The following CCDC7 variants were observed in gnomAD, a reference collection of about 807,000 sequenced individuals.
The protein encoded by CCDC7 is coiled-coil domain-containing protein 7.
In CCDC7, 183 loss-of-function variants were observed where a neutral mutation model predicts 196.9. That is an observed-to-expected ratio of 0.93 (90% CI 0.82 to 1.05). The LOEUF (loss-of-function observed/expected upper bound fraction) is 1.05, where lower values mean the gene tolerates loss of function less well. Ranked by LOEUF, CCDC7 falls within the 50% of genes least tolerant of loss-of-function variation. The pLI, the probability that CCDC7 is intolerant of heterozygous loss-of-function variation, is 0.00. For synonymous variants in CCDC7, 525 were observed against 484.6 expected (o/e 1.08, Z -1.10); for missense variants, 1,540 against 1,482.2 (o/e 1.04, Z -0.64).
At chr10:32,856,240 C>G (rs562414818) in intron 41 of CCDC7, among the ~76,000 whole-genome samples, 2 of 152,232 alleles carry the variant, frequency 1.3e-5, no homozygotes, top group East Asian at 3.9e-4. Context: ...TAAAAACTTT[C>G]AGTCATCAAT....
intron 5 of CCDC7, among the ~76,000 whole-genome samples, chr10:32,468,006 A>G (rs559813447): frequency 6.6e-6 from 1 of 152,278 alleles, no homozygotes; most frequent in East Asian, 1.9e-4. Context: ...TATAGTTTGA[A>G]GTCGGGTAGT....
chr10:32,658,019 C>G (rs2070351362), intron 20 of CCDC7, among the ~76,000 whole-genome samples: 1 of 152,198 alleles, frequency 6.6e-6, no homozygotes, highest in South Asian at 2.1e-4. Context: ...TCATCTCCAT[C>G]TGAGACCACC....
chr10:32,524,661 G>A (rs2048388084), intron 11 of CCDC7, among the ~76,000 whole-genome samples: 1 of 152,044 alleles, frequency 6.6e-6, no homozygotes, highest in Non-Finnish European at 1.5e-5. Context: ...ACTATTCTAG[G>A]GTAAAAGGTT....
At chr10:32,700,752 C>G (rs991361065) in intron 24 of CCDC7, among the ~76,000 whole-genome samples, 2 of 152,134 alleles carry the variant, frequency 1.3e-5, no homozygotes, top group South Asian at 4.1e-4. Context: ...TTGTAGTTCT[C>G]CTTGAAGAGG....
intron 28 of CCDC7, among the ~76,000 whole-genome samples, chr10:32,741,520 A>C (rs2133162247): frequency 6.6e-6 from 1 of 152,310 alleles, no homozygotes; most frequent in East Asian, 1.9e-4. Flanking sequence ...TTGTATATGA[A>C]AAGTGGGTCC....
intron 28 of CCDC7, among the ~76,000 whole-genome samples, chr10:32,744,448 A>G (rs901876953): frequency 6.6e-6 from 1 of 151,830 alleles, no homozygotes; most frequent in Non-Finnish European, 1.5e-5. Context: ...CCAGCAATGA[A>G]TGAAGATTCC....
In CCDC7 at chr10:32,847,929, A is replaced by G; in HGVS notation, c.3772+13A>G. ...AGGACTCACTATGGTAAGAATAATA[A>G]TTTTAAGTCTAATATTTACAGTTTA... On this transcript the variant is annotated intron_variant, in intron 38 of 41. Transcript: ENST00000639629. 6.6e-7 allele frequency: 1 copy of G among 1,506,404 alleles called. No homozygotes were observed. The highest frequency in any genetic ancestry group is 9.2e-7 in the Non-Finnish European group (1 of 1,089,096). 93.3% of individuals were successfully genotyped at this position (1,506,404 alleles called of 1,614,324 possible).
At chr10:32,855,923 C>T (rs1296302262) in intron 41 of CCDC7, among the ~76,000 whole-genome samples, 1 of 152,160 alleles carries the variant, frequency 6.6e-6, no homozygotes, top group Non-Finnish European at 1.5e-5. Flanking sequence ...GAAATAAACC[C>T]TCACATATAT....
chr10:32,727,982 C>T (rs1341684173), intron 26 of CCDC7, among the ~76,000 whole-genome samples: 1 of 152,130 alleles, frequency 6.6e-6, no homozygotes, highest in Non-Finnish European at 1.5e-5. Context: ...AAGGGTGGTC[C>T]AAACATGATT....
intron 20 of CCDC7, among the ~76,000 whole-genome samples, chr10:32,637,367 A>AAC (rs2065845987): frequency 6.6e-6 from 1 of 152,170 alleles, no homozygotes; most frequent in African/African-American, 2.4e-5. Flanking sequence ...TTTTAGGTCT[A>AAC]ATGTTTAAGT....
intron 13 of CCDC7, among the ~76,000 whole-genome samples, chr10:32,559,167 G>A (rs1481078039): frequency 6.6e-6 from 1 of 152,266 alleles, no homozygotes; most frequent in Non-Finnish European, 1.5e-5. Flanking sequence ...CAGCCAGGAA[G>A]CTCGAACTGG....
intron 11 of CCDC7, among the ~76,000 whole-genome samples, chr10:32,528,016 C>T (rs1255024140): frequency 6.6e-6 from 1 of 152,146 alleles, no homozygotes; most frequent in Non-Finnish European, 1.5e-5. Flanking sequence ...AATCTCTCAT[C>T]ATCTACCTCC....
At chr10:32,629,094 G>T (rs1457516511) in intron 18 of CCDC7, among the ~76,000 whole-genome samples, 1 of 152,106 alleles carries the variant, frequency 6.6e-6, no homozygotes, top group Non-Finnish European at 1.5e-5. Flanking sequence ...TGAAAGTGGA[G>T]TATTAAAGTT....
chr10:32,595,166 ATCTG>A (rs1231302061), intron 18 of CCDC7, among the ~76,000 whole-genome samples: 2 of 152,164 alleles, frequency 1.3e-5, no homozygotes, highest in Admixed American at 1.3e-4. Flanking sequence ...TTGGCTGTGA[ATCTG>A]TCTGGTCCTG....
At chr10:32,540,021 T>C (rs979006498) in intron 11 of CCDC7, among the ~76,000 whole-genome samples, 3 of 152,140 alleles carry the variant, frequency 2.0e-5, no homozygotes, top group Non-Finnish European at 4.4e-5. Flanking sequence ...TGTCTATTTG[T>C]CCACTAGTCA....
intron 40 of CCDC7, among the ~76,000 whole-genome samples, chr10:32,853,819 C>T (rs1156811107): frequency 6.6e-6 from 1 of 151,988 alleles, no homozygotes; most frequent in Non-Finnish European, 1.5e-5. Flanking sequence ...TTTTACTGTC[C>T]TGCAAAAAGG....
At chr10:32,450,937 T>TTTTTGTTC (rs757604925), upstream of CCDC7, among the ~76,000 whole-genome samples, 2 of 152,128 alleles carry the variant, frequency 1.3e-5, no homozygotes, top group Non-Finnish European at 2.9e-5. Context: ...GTTAAAAAAT[T>TTTTTGTTC]TTTTGTTCTT....
At chr10:32,563,607 C>G (rs1453245864) in intron 13 of CCDC7, among the ~76,000 whole-genome samples, 24 of 152,170 alleles carry the variant, frequency 1.6e-4, no homozygotes, top group Non-Finnish European at 3.2e-4. Flanking sequence ...ATGTAGAAAG[C>G]TGAAACTGGA....
chr10:32,785,680 T>C (rs970246340), intron 29 of CCDC7, among the ~76,000 whole-genome samples: 1 of 152,160 alleles, frequency 6.6e-6, no homozygotes, highest in Non-Finnish European at 1.5e-5. Context: ...CAAAGACTTA[T>C]GCATGGAAAT....
Sources: allele counts gnomAD v4.1 joint callset (sites outside exome capture counted in the v4.1 genomes callset), GRCh38; gene constraint gnomAD v4.1.1; transcripts MANE v1.5; gene names NCBI Gene and HGNC (gene_info 2026-07-23, HGNC 2026-07-21).